POLA1: variants seen among roughly 807,000 people sequenced by gnomAD.
The protein encoded by POLA1 is DNA polymerase alpha 1, catalytic subunit, also known as DNA polymerase alpha catalytic subunit.
In POLA1, 15 loss-of-function variants were observed where a neutral mutation model predicts 124.0. The observed-to-expected ratio is 0.12, with a 90% CI of 0.08 to 0.19. POLA1 has a LOEUF of 0.19. Ranked by LOEUF, POLA1 falls within the 10% of genes least tolerant of loss-of-function variation. POLA1 has a pLI of 1.00. For synonymous variants in POLA1, 408 were observed against 389.4 expected (o/e 1.05, Z -0.56); for missense variants, 886 against 1,103.4 (o/e 0.80, Z 2.79).
intron 30 of POLA1, among the ~76,000 whole-genome samples, chrX:24,818,703 A>G (rs1314094903): frequency 8.9e-6 from 1 of 112,513 alleles, no homozygotes; most frequent in Admixed American, 9.4e-5. Flanking sequence ...CAACAAACTG[A>G]TTATATAATT....
intron 31 of POLA1, among the ~76,000 whole-genome samples, chrX:24,822,595 G>A (rs1489681826): frequency 8.9e-6 from 1 of 112,065 alleles, no homozygotes; most frequent in Non-Finnish European, 1.9e-5. Context: ...ACGTGGACAG[G>A]AATCAGCACT....
At chrX:24,707,353 A>T (rs776512032) in intron 4 of POLA1, among the ~76,000 whole-genome samples, 7 of 112,601 alleles carry the variant, frequency 6.2e-5, no homozygotes, top group Non-Finnish European at 1.1e-4. Flanking sequence ...TAATCACAGT[A>T]GTGGACTCAA....
In POLA1 at chrX:24,892,604, A is replaced by G. The variant is rs777993024; in HGVS notation, c.4164+4482A>G. Reference sequence around the variant, plus strand: ...ATTCTGTATTAGTAATTCACCAAAAATAAAGCTTTCTGGTTTTGTTGTTGT... The same window carrying G: ...ATTCTGTATTAGTAATTCACCAAAAGTAAAGCTTTCTGGTTTTGTTGTTGT... On this transcript the variant is annotated intron_variant, in intron 35 of 36. Transcript: ENST00000379068. Among the ~76,000 whole-genome samples, 3 of 112,082 alleles carry G rather than the reference A, an allele frequency of 2.7e-5. No individual in the cohort carries two copies. In the East Asian group the frequency reaches 8.4e-4, roughly 31 times the overall value.
intron 32 of POLA1, among the ~76,000 whole-genome samples, chrX:24,839,240 T>G (rs2046379858): frequency 1.8e-5 from 2 of 111,600 alleles, no homozygotes. Flanking sequence ...TTTTTACATT[T>G]TAGCATTGAA....
At chrX:24,778,789 A>G (rs2045196827) in intron 26 of POLA1, among the ~76,000 whole-genome samples, 2 of 111,688 alleles carry the variant, frequency 1.8e-5, no homozygotes, top group Non-Finnish European at 3.8e-5. Context: ...ACTTAAGGTC[A>G]TAGATGTAAC....
In POLA1 at chrX:24,996,659, G is replaced by T. The variant is rs1045437503; in HGVS notation, c.*709G>T. 8.9e-6 allele frequency: 1 copy of T among 112,519 alleles called. No homozygotes were observed. Among genetic ancestry groups the T allele is most frequent in the Non-Finnish European group, 1.9e-5 (1 of 53,276 alleles). 9.3% of individuals were successfully genotyped at this position (112,519 alleles called of 1,213,427 possible). A position where few individuals can be genotyped will look rare whatever the true frequency, so the allele number is the denominator to read the frequency against. ...CAAGAAAGCACATTGAAAATAATTT[G>T]ATACTCTAACAATCCATTAACATGT... On this transcript the variant is annotated 3_prime_UTR_variant, in exon 37 of 37. Coordinates refer to ENST00000379068, the MANE Select transcript of POLA1 (RefSeq NM_001330360.2).
chrX:24,839,903 A>G (rs1375093982), intron 32 of POLA1, among the ~76,000 whole-genome samples: 1 of 112,063 alleles, frequency 8.9e-6, no homozygotes, highest in Non-Finnish European at 1.9e-5. Context: ...CACTACAGAG[A>G]TGAACTGGCC....
At chrX:24,824,193 C>T (rs778425021) in intron 31 of POLA1, among the ~76,000 whole-genome samples, 1 of 111,955 alleles carries the variant, frequency 8.9e-6, no homozygotes, top group East Asian at 2.8e-4. Context: ...AGAAGACCAG[C>T]GTTGCTTCTT....
intron 1 of POLA1, among the ~76,000 whole-genome samples, chrX:24,696,074 G>T (rs1044710889): frequency 1.8e-5 from 2 of 112,773 alleles, no homozygotes; most frequent in Non-Finnish European, 3.7e-5. Flanking sequence ...CGTTACATGA[G>T]CCGCTCCTAT....
In POLA1 at chrX:24,930,536, C is replaced by T. The variant is rs751592532; in HGVS notation, c.4248C>T (p.Thr1416=). The T allele has an allele frequency of 5.1e-5, 59 of 1,150,184 alleles. No individual in the cohort carries two copies. The Middle Eastern group carries it at 1.2e-3, about 23-fold the overall frequency. 94.8% of individuals were successfully genotyped at this position (1,150,184 alleles called of 1,213,427 possible). The stretch of plus-strand genomic sequence containing the variant: ...AGTGTGCACTGGAGAAACTTACTAC[C>T]GATCATGAGAAAGGTACGTTAAAAT... ...DAECALEKLT[T]DHEKDKLKKQ... is the part of the protein sequence containing the mutation. Residue 1416 remains threonine (T), a synonymous_variant, in exon 36 of 37, where the codon ACC becomes ACT. Transcript: ENST00000379068.
At chrX:24,790,646 C>T (rs2045472462) in intron 26 of POLA1, among the ~76,000 whole-genome samples, 1 of 110,610 alleles carries the variant, frequency 9.0e-6, no homozygotes, top group African/African-American at 3.3e-5. Context: ...CTTTTACCTT[C>T]CTTTCCTATT....
intron 35 of POLA1, among the ~76,000 whole-genome samples, chrX:24,895,024 T>G (rs993951450): frequency 3.6e-5 from 4 of 110,883 alleles, no homozygotes; most frequent in Non-Finnish European, 5.7e-5. Context: ...TCTGCCTGCC[T>G]TGACCTCCCA....
At chrX:24,727,472 T>A (rs768770977) in intron 14 of POLA1, among the ~76,000 whole-genome samples, 17 of 111,944 alleles carry the variant, frequency 1.5e-4, no homozygotes, top group Admixed American at 1.5e-3. Flanking sequence ...TGCTTTGTCT[T>A]AAAAATGTTT....
intron 10 of POLA1, 65 bp downstream of exon 10, chrX:24,717,823 AT>A (rs1461867896): frequency 3.5e-5 from 26 of 736,152 alleles, no homozygotes; most frequent in East Asian, 1.8e-4. Flanking sequence ...TAAATATTTT[AT>A]TTTTTGTTTC....
intron 35 of POLA1, among the ~76,000 whole-genome samples, chrX:24,905,555 C>A (rs969453077): frequency 1.1e-4 from 10 of 90,112 alleles, no homozygotes; most frequent in Non-Finnish European, 6.5e-5. Flanking sequence ...ATGGTGAACC[C>A]CCCCCCCCTT....
In POLA1 at chrX:24,967,722, A is replaced by AAGACTG. The variant is rs1251692319; in HGVS notation, c.4262-28079_4262-28078insTGAGAC. Reference sequence around the variant, plus strand: ...ATTCATGTCATTCTCAAGCTTACTTAAGACCTCACAGATAGAAAAACATAT... The same window carrying AAGACTG: ...ATTCATGTCATTCTCAAGCTTACTTAAGACTGAGACCTCACAGATAGAAAAACATAT... On this transcript the variant is annotated intron_variant, in intron 36 of 36. Transcript: ENST00000379068. Among the ~76,000 whole-genome samples the AAGACTG allele has an allele frequency of 2.8e-3, 313 of 110,866 alleles. 2 individuals carry two copies. Among genetic ancestry groups the AAGACTG allele is most frequent in the African/African-American group, 9.6e-3 (294 of 30,480 alleles).
chrX:24,896,180 G>A (rs1389756036), intron 35 of POLA1, among the ~76,000 whole-genome samples: 1 of 111,694 alleles, frequency 9.0e-6, no homozygotes, highest in African/African-American at 3.3e-5. Context: ...ACTGGGGGTT[G>A]TAGCTGGAGT....
chrX:24,749,586 C>A (rs962517126), intron 26 of POLA1, among the ~76,000 whole-genome samples: 4 of 110,714 alleles, frequency 3.6e-5, no homozygotes, highest in African/African-American at 9.9e-5. Flanking sequence ...AGGTAGAAAT[C>A]AGGAGGATAA....
In POLA1 at chrX:24,728,000, A is replaced by G. The variant is rs1173671261; in HGVS notation, c.1686+64A>G. 1.9e-5 allele frequency: 18 copies of G among 926,489 alleles called. No homozygotes were observed. The East Asian group carries it at 5.8e-4, about 30-fold the overall frequency. 76.4% of individuals were successfully genotyped at this position (926,489 alleles called of 1,213,427 possible). A position where few individuals can be genotyped will look rare whatever the true frequency, so the allele number is the denominator to read the frequency against. ...ATGTGTTACTTGCCTGAACTTGCAC[A>G]GCTTTGCTTTAAGAGAAAGTTGTTC... On this transcript the variant is annotated intron_variant, in intron 15 of 36. Coordinates refer to ENST00000379068, the MANE Select transcript of POLA1 (RefSeq NM_001330360.2).
Sources: gnomAD v4.1 joint callset for allele counts (sites outside exome capture counted in the v4.1 genomes callset) on GRCh38, gnomAD v4.1.1 for gene constraint, MANE v1.5 for transcripts, NCBI Gene and HGNC (gene_info 2026-07-23, HGNC 2026-07-21) for gene names.